CRIPT: variants seen among roughly 807,000 people sequenced by gnomAD.
CRIPT encodes cysteine-rich PDZ-binding protein.
Under a neutral mutation model 16.6 loss-of-function variants are expected in CRIPT, and 20 were observed. The observed-to-expected ratio is 1.20, with a 90% CI of 0.85 to 1.75. The LOEUF (loss-of-function observed/expected upper bound fraction) is 1.75, where lower values mean the gene tolerates loss of function less well. Among genes scored for constraint, CRIPT ranks in the 40% most tolerant of loss-of-function variants. The pLI, the probability that CRIPT is intolerant of heterozygous loss-of-function variation, is 0.00. For synonymous variants in CRIPT, 42 were observed against 37.0 expected (o/e 1.14, Z -0.49); for missense variants, 133 against 115.3 (o/e 1.15, Z -0.70).
chr2:46,628,698 C>A lies in CRIPT; in HGVS notation c.*4471C>A, dbSNP rs1338995794. Among the ~76,000 whole-genome samples, 4 of 152,070 alleles carry A rather than the reference C, an allele frequency of 2.6e-5. No homozygotes were observed. The highest frequency in any genetic ancestry group is 4.4e-5 in the Non-Finnish European group (3 of 68,040). The stretch of plus-strand genomic sequence containing the variant: ...TATGAAGATTTTTGTTGTATTGTAC[C>A]TCAGAACCATCTCCATATTCTCTAA... On this transcript the variant is annotated 3_prime_UTR_variant, in exon 5 of 5. Coordinates refer to ENST00000238892, the MANE Select transcript of CRIPT (RefSeq NM_014171.6).
Position 46,624,543 on chromosome 2 carries a change from T to A in CRIPT, c.*316T>A, listed in dbSNP as rs536185049. 33 of 179,280 alleles carry A rather than the reference T, an allele frequency of 1.8e-4. No individual in the cohort carries two copies. In the East Asian group the frequency reaches 4.5e-3, roughly 25 times the overall value. The allele number at this position is 179,280 out of a possible 1,614,324, so 11.1% of individuals were successfully genotyped here. The stretch of plus-strand genomic sequence containing the variant: ...CCCCCACCACTTTATTTATAGATAC[T>A]GCAAAAGTGAGAAGGAGATAATAGA... On this transcript the variant is annotated 3_prime_UTR_variant, in exon 5 of 5. Transcript: ENST00000238892.
Position 46,627,605 on chromosome 2 carries a change from T to C in CRIPT, c.*3378T>C, listed in dbSNP as rs1009373052. Among the ~76,000 whole-genome samples the C allele has an allele frequency of 3.3e-5, 5 of 151,894 alleles. No individual in the cohort carries two copies. The highest frequency in any genetic ancestry group is 4.8e-5 in the African/African-American group (2 of 41,342). ...GATTACAGGCACATGCCACCACGCCTGGCTAATTTTTCTATTTTTAGTAGG... is the reference window on the plus strand; with the variant it reads ...GATTACAGGCACATGCCACCACGCCCGGCTAATTTTTCTATTTTTAGTAGG... On this transcript the variant is annotated 3_prime_UTR_variant, in exon 5 of 5. Transcript: ENST00000238892.
chr2:46,627,474 CCTT>C lies in CRIPT; in HGVS notation c.*3250_*3252del, dbSNP rs1184387215. On this transcript the variant is annotated 3_prime_UTR_variant, in exon 5 of 5. Coordinates refer to ENST00000238892, the MANE Select transcript of CRIPT (RefSeq NM_014171.6). ...TTTTTTTTCCCCAAAGACAGAGTCT[CCTT>C]CTGTTGCCCAGGCTGGAGTACAGTG... 1.3e-5 allele frequency among the ~76,000 whole-genome samples: 2 copies of C among 150,908 alleles called. No individual in the cohort carries two copies. The highest frequency in any genetic ancestry group is 1.9e-4 in the East Asian group (1 of 5,140).
At chr2:46,617,440 C>T (rs113439250) in intron 1 of CRIPT, 142 bp downstream of exon 1, 18,429 of 928,356 alleles carry the variant, frequency 0.02, 223 homozygotes, top group Non-Finnish European at 0.023. Context: ...TACCCTTTGA[C>T]CATTTTTGCA....
rs1487806954 is a variant in CRIPT, at chr2:46,624,981, C to G, written c.*754C>G. On this transcript the variant is annotated 3_prime_UTR_variant, in exon 5 of 5. Transcript: ENST00000238892. Reference sequence around the variant, plus strand: ...AAAGCTCTTTGAAGCAAAAACCAAACTTTTTTTTTTTTTTTTTTACCTCCT... The same window carrying G: ...AAAGCTCTTTGAAGCAAAAACCAAAGTTTTTTTTTTTTTTTTTTACCTCCT... The G allele has an allele frequency of 7.9e-6, 1 of 126,972 alleles. No homozygotes were observed. Among genetic ancestry groups the G allele is most frequent in the African/African-American group, 2.9e-5 (1 of 34,468 alleles). The allele number at this position is 126,972 out of a possible 1,614,324, so 7.9% of individuals were successfully genotyped here. A position where few individuals can be genotyped will look rare whatever the true frequency, so the allele number is the denominator to read the frequency against.
At chr2:46,623,663 GATGGAGAGC>G in intron 3 of CRIPT, 92 bp from the exon 4 acceptor site, 2 of 629,402 alleles carry the variant, frequency 3.2e-6, no homozygotes, top group Non-Finnish European at 2.8e-6. Context: ...TTGATGGAGG[GATGGAGAGC>G]ATGGATTAAT....
rs578169679 is a variant in CRIPT at position 46,623,334 on chromosome 2, A to AT, written c.138-426dup. On this transcript the variant is annotated intron_variant, in intron 3 of 4. Transcript: ENST00000238892. Reference sequence around the variant, plus strand: ...GAGGTGTGGAGTTACTTTCCTAGTGATTTTCCCCCAGTTTTCAACAGTTGT... The same window carrying AT: ...GAGGTGTGGAGTTACTTTCCTAGTGATTTTTCCCCCAGTTTTCAACAGTTGT... Among the ~76,000 whole-genome samples the AT allele has an allele frequency of 5.9e-5, 9 of 152,092 alleles. No homozygotes were observed. In the South Asian group the frequency reaches 1.9e-3, roughly 32 times the overall value.
intron 3 of CRIPT, among the ~76,000 whole-genome samples, 156 bp downstream of exon 3, chr2:46,619,837 G>T (rs1470305374): frequency 1.3e-5 from 2 of 152,118 alleles, no homozygotes. Context: ...AATCCTGCTG[G>T]TTTTACCTTA....
rs1458798252 is a variant in CRIPT at position 46,625,373 on chromosome 2, CTCTTT to C, written c.*1148_*1152del. 1 of 128,350 alleles carries C rather than the reference CTCTTT, an allele frequency of 7.8e-6. No individual in the cohort carries two copies. Among genetic ancestry groups the C allele is most frequent in the Non-Finnish European group, 1.6e-5 (1 of 62,972 alleles). The allele number at this position is 128,350 out of a possible 1,614,324, so 8.0% of individuals were successfully genotyped here. Reference sequence around the variant, plus strand: ...GTGTGAGCCACAGAACTTGGCCTCTCTCTTTTTTTTTTTTTTTTTTTTTTTTTTTT... The same window carrying C: ...GTGTGAGCCACAGAACTTGGCCTCTCTTTTTTTTTTTTTTTTTTTTTTTTT... On this transcript the variant is annotated 3_prime_UTR_variant, in exon 5 of 5. Transcript: ENST00000238892.
In CRIPT at chr2:46,626,806, G is replaced by C. The variant is rs1482682900; in HGVS notation, c.*2579G>C. 6.6e-6 allele frequency among the ~76,000 whole-genome samples: 1 copy of C among 151,644 alleles called. No individual in the cohort carries two copies. Among genetic ancestry groups the C allele is most frequent in the Non-Finnish European group, 1.5e-5 (1 of 67,874 alleles). ...CAAGTCTTTTGGCATTTTTTTAATG[G>C]GTTTTTGTTTGTGTGTGTGTATTTT... On this transcript the variant is annotated 3_prime_UTR_variant, in exon 5 of 5. Transcript: ENST00000238892.
chr2:46,623,925 T>G, intron 4 of CRIPT, 58 bp downstream of exon 4: 9 of 1,257,080 alleles, frequency 7.2e-6, no homozygotes, highest in African/African-American at 1.5e-5. Flanking sequence ...TGCTGCTAAT[T>G]TGGTTAACAG....
At position 46,629,433 on chromosome 2, in the gene CRIPT, G is replaced by C. The variant is rs2104185580; in HGVS notation, c.*5206G>C. Among the ~76,000 whole-genome samples the C allele has an allele frequency of 6.6e-6, 1 of 152,192 alleles. No homozygotes were observed. Among genetic ancestry groups the C allele is most frequent in the South Asian group, 2.1e-4 (1 of 4,820 alleles). On this transcript the variant is annotated 3_prime_UTR_variant, in exon 5 of 5. Coordinates refer to ENST00000238892, the MANE Select transcript of CRIPT (RefSeq NM_014171.6). ...AGTCCATATTTCAATTTCATTTGCTGTTTTATTGGTAATTTTTTTCAGCTC... is the reference window on the plus strand; with the variant it reads ...AGTCCATATTTCAATTTCATTTGCTCTTTTATTGGTAATTTTTTTCAGCTC...
Position 46,625,015 on chromosome 2 carries a change from C to T in CRIPT, c.*788C>T, listed in dbSNP as rs1670899035. ...TTTTTTTTTTACCTCCTGTCTTGCC[C>T]CCTAAAAGAAATAAATAGAGCAAAC... On this transcript the variant is annotated 3_prime_UTR_variant, in exon 5 of 5. Transcript: ENST00000238892. 1 of 150,602 alleles carries T rather than the reference C, an allele frequency of 6.6e-6. No homozygotes were observed. The highest frequency in any genetic ancestry group is 2.4e-5 in the African/African-American group (1 of 40,962). The allele number at this position is 150,602 out of a possible 1,614,324, so 9.3% of individuals were successfully genotyped here.
chr2:46,622,498 A>G (rs1310288831), intron 3 of CRIPT, among the ~76,000 whole-genome samples: 1 of 152,070 alleles, frequency 6.6e-6, no homozygotes, highest in Non-Finnish European at 1.5e-5. Context: ...GAAGAAGAGT[A>G]CCTATCTTTT....
At chr2:46,620,686 T>TTATA (rs34432167) in intron 3 of CRIPT, among the ~76,000 whole-genome samples, 159 of 145,350 alleles carry the variant, frequency 1.1e-3, no homozygotes, top group South Asian at 4.7e-3. Context: ...AAGCTATATG[T>TTATA]TATATATATA....
In CRIPT at chr2:46,627,501, T is replaced by C. The variant is rs556274217; in HGVS notation, c.*3274T>C. 2.0e-4 allele frequency among the ~76,000 whole-genome samples: 31 copies of C among 151,532 alleles called. 1 individual carries two copies. The highest frequency in any genetic ancestry group is 7.5e-4 in the African/African-American group (31 of 41,252). ...TTCTGTTGCCCAGGCTGGAGTACAGTGGTACAATCTTGGCTCACCACAACC... is the reference window on the plus strand; with the variant it reads ...TTCTGTTGCCCAGGCTGGAGTACAGCGGTACAATCTTGGCTCACCACAACC... On this transcript the variant is annotated 3_prime_UTR_variant, in exon 5 of 5. Coordinates refer to ENST00000238892, the MANE Select transcript of CRIPT (RefSeq NM_014171.6).
rs1476398500 is a variant in CRIPT, at chr2:46,625,622, T to G, written c.*1395T>G. On this transcript the variant is annotated 3_prime_UTR_variant, in exon 5 of 5. Transcript: ENST00000238892. ...TCATAACATTTTGATGAAAAGCATT[T>G]AAAGTTTTAACTTTATAAGGCTTTT... 6.6e-6 allele frequency: 1 copy of G among 152,164 alleles called. No individual in the cohort carries two copies. Among genetic ancestry groups the G allele is most frequent in the Non-Finnish European group, 1.5e-5 (1 of 68,030 alleles). The allele number at this position is 152,164 out of a possible 1,614,324, so 9.4% of individuals were successfully genotyped here.
rs117085106 is a variant in CRIPT at position 46,628,132 on chromosome 2, C to T, written c.*3905C>T. On this transcript the variant is annotated 3_prime_UTR_variant, in exon 5 of 5. Transcript: ENST00000238892. The stretch of plus-strand genomic sequence containing the variant: ...TTTTTCTTTTTTTTTTTTTTTGAGA[C>T]GGAGTCTTGCTGTGTCTCCCAGGCT... Among the ~76,000 whole-genome samples, 189 of 138,272 alleles carry T rather than the reference C, an allele frequency of 1.4e-3. 3 individuals carry two copies. In the East Asian group the frequency reaches 0.034, roughly 25 times the overall value. 90.7% of individuals were successfully genotyped at this position (138,272 alleles called of 152,430 possible).
rs940947382 is a variant in CRIPT at position 46,629,397 on chromosome 2, T to C, written c.*5170T>C. On this transcript the variant is annotated 3_prime_UTR_variant, in exon 5 of 5. Transcript: ENST00000238892. ...CAAGTTCAGAAATTTAACATTGCCA[T>C]AATACTTTACAGTCCATATTTCAAT... Among the ~76,000 whole-genome samples the C allele has an allele frequency of 3.9e-5, 6 of 152,246 alleles. No homozygotes were observed. The highest frequency in any genetic ancestry group is 8.8e-5 in the Non-Finnish European group (6 of 68,042).
Sources: allele counts gnomAD v4.1 joint callset (sites outside exome capture counted in the v4.1 genomes callset), GRCh38; gene constraint gnomAD v4.1.1; transcripts MANE v1.5; gene names NCBI Gene and HGNC (gene_info 2026-07-23, HGNC 2026-07-21).